Variants in CDH13 observed in about 807,000 individuals in gnomAD.
The protein encoded by CDH13 is cadherin 13, also known as cadherin-13.
A neutral mutation model predicts 63.8 loss-of-function variants in CDH13; 24 were observed. That is an observed-to-expected ratio of 0.38 (90% CI 0.27 to 0.53). The LOEUF (loss-of-function observed/expected upper bound fraction) is 0.53. Ranked by LOEUF, CDH13 falls within the 20% of genes least tolerant of loss-of-function variation. The pLI is 0.85. For synonymous variants in CDH13, 503 were observed against 355.3 expected, an observed-to-expected ratio of 1.42 and a Z score of -4.67; for missense variants, 1,049 against 903.1, an observed-to-expected ratio of 1.16 and a Z score of -2.07.
At chr16:83,242,346 C>T (rs894226622) in intron 5 of CDH13, among the ~76,000 whole-genome samples, 2 of 152,196 alleles carry the variant, frequency 1.3e-5, no homozygotes, top group African/African-American at 2.4e-5. Flanking sequence ...GACTGAGAGA[C>T]ACAGGTACTC....
chr16:82,827,106 C>G (rs919998303), intron 1 of CDH13, among the ~76,000 whole-genome samples: 1 of 152,198 alleles, frequency 6.6e-6, no homozygotes, highest in South Asian at 2.1e-4. Flanking sequence ...GCAACACAGC[C>G]TTAGCCTTGT....
At chr16:83,365,467 G>C (rs9923619) in intron 6 of CDH13, among the ~76,000 whole-genome samples, 87,803 of 152,096 alleles carry the variant, frequency 0.58, 27,312 homozygotes, top group African/African-American at 0.82. Flanking sequence ...TTACCCCATG[G>C]TCAGCTGAGT....
intron 1 of CDH13, among the ~76,000 whole-genome samples, chr16:82,668,096 C>T (rs1912817381): frequency 6.6e-6 from 1 of 152,184 alleles, no homozygotes; most frequent in African/African-American, 2.4e-5. Flanking sequence ...GATGGCTATA[C>T]CCTGCCAGGG....
chr16:82,663,495 AT>A lies in CDH13; in HGVS notation c.45+36362del, dbSNP rs1204134917. ...CCACCATGCCCAGCCACCGCCACTC[AT>A]TTTACACAGTCCCCTGTATGTCTCC... On this transcript the variant is annotated intron_variant, in intron 1 of 13. Coordinates refer to ENST00000567109, the MANE Select transcript of CDH13 (RefSeq NM_001257.5). Among the ~76,000 whole-genome samples, 5 of 151,660 alleles carry A rather than the reference AT, an allele frequency of 3.3e-5. No individual in the cohort carries two copies. In the East Asian group the frequency reaches 1.0e-3, roughly 31 times the overall value.
At chr16:83,131,100 G>A (rs574614781) in intron 4 of CDH13, among the ~76,000 whole-genome samples, 39 of 150,926 alleles carry the variant, frequency 2.6e-4, no homozygotes, top group African/African-American at 7.6e-4. Context: ...TCCGTAATAC[G>A]AGGGAATCAT....
intron 5 of CDH13, among the ~76,000 whole-genome samples, chr16:83,309,996 A>G (rs1417042124): frequency 1.3e-5 from 2 of 152,222 alleles, no homozygotes; most frequent in Non-Finnish European, 2.9e-5. Context: ...GAGTGGGTAC[A>G]AAAGTTCCGC....
intron 2 of CDH13, among the ~76,000 whole-genome samples, chr16:82,943,652 C>T (rs1159694000): frequency 6.6e-6 from 1 of 152,162 alleles, no homozygotes; most frequent in Non-Finnish European, 1.5e-5. Flanking sequence ...CAAATATTTA[C>T]TGAGCACTTA....
intron 2 of CDH13, chr16:82,859,825 C>T (rs1029558863): frequency 6.6e-6 from 1 of 152,010 alleles, no homozygotes. Flanking sequence ...TGAAGATGCA[C>T]TGTTGAGCAT....
intron 10 of CDH13, among the ~76,000 whole-genome samples, chr16:83,695,505 T>C (rs118001839): frequency 0.014 from 2,071 of 152,320 alleles, 16 homozygotes; most frequent in Non-Finnish European, 0.024. Flanking sequence ...CGAAAGCAGG[T>C]GCCCTTTCTG....
chr16:82,945,260 C>T (rs921969726), intron 2 of CDH13, among the ~76,000 whole-genome samples: 2 of 152,136 alleles, frequency 1.3e-5, no homozygotes, highest in Non-Finnish European at 2.9e-5. Context: ...CCCAAAGTGT[C>T]CACAGACAAT....
intron 1 of CDH13, among the ~76,000 whole-genome samples, chr16:82,655,662 A>G (rs1277901389): frequency 6.6e-6 from 1 of 152,200 alleles, no homozygotes; most frequent in Non-Finnish European, 1.5e-5. Context: ...GCAATTCAGA[A>G]GAAGCCTACA....
intron 6 of CDH13, among the ~76,000 whole-genome samples, chr16:83,369,975 T>C (rs2091333903): frequency 6.6e-6 from 1 of 152,260 alleles, no homozygotes; most frequent in South Asian, 2.1e-4. Context: ...TCTTGCTCTC[T>C]ACTTTGAAAA....
At chr16:83,291,935 A>C (rs2089475897) in intron 5 of CDH13, among the ~76,000 whole-genome samples, 1 of 152,218 alleles carries the variant, frequency 6.6e-6, no homozygotes, top group Non-Finnish European at 1.5e-5. Context: ...TTAACATACA[A>C]ATTTATCACA....
intron 10 of CDH13, among the ~76,000 whole-genome samples, chr16:83,687,829 G>A (rs748751479): frequency 3.7e-4 from 57 of 152,140 alleles, no homozygotes; most frequent in Non-Finnish European, 5.6e-4. Context: ...CCCTTCTTCC[G>A]AAGCCTTGAT....
Position 83,079,089 on chromosome 16 carries a change from C to T in CDH13, c.367-46296C>T, listed in dbSNP as rs533439680. 1.1e-4 allele frequency among the ~76,000 whole-genome samples: 17 copies of T among 152,252 alleles called. 1 individual carries two copies. In the South Asian group the frequency reaches 3.3e-3, roughly 30 times the overall value. ...GGATTACAGGTGTGAGCCATTGTGC[C>T]CGGCCCAGGTTTTTCATGCATTGAA... On this transcript the variant is annotated intron_variant, in intron 3 of 13. Coordinates refer to ENST00000567109, the MANE Select transcript of CDH13 (RefSeq NM_001257.5).
intron 3 of CDH13, among the ~76,000 whole-genome samples, chr16:83,039,631 T>C (rs1416867913): frequency 6.6e-6 from 1 of 152,186 alleles, no homozygotes; most frequent in Non-Finnish European, 1.5e-5. Flanking sequence ...CCTTCCTGTG[T>C]GTTCACCACT....
chr16:82,656,044 C>G (rs1911256464), intron 1 of CDH13, among the ~76,000 whole-genome samples: 2 of 152,126 alleles, frequency 1.3e-5, no homozygotes, highest in Admixed American at 6.5e-5. Flanking sequence ...GCAGAAAATG[C>G]TGGTCTAGCA....
intron 2 of CDH13, among the ~76,000 whole-genome samples, chr16:82,932,484 T>G (rs1370213233): frequency 6.6e-6 from 1 of 152,146 alleles, no homozygotes; most frequent in Non-Finnish European, 1.5e-5. Flanking sequence ...AACTTTTCCA[T>G]TAAAATAGAG....
At chr16:83,193,112 G>C (rs1237600903) in intron 4 of CDH13, among the ~76,000 whole-genome samples, 3 of 151,628 alleles carry the variant, frequency 2.0e-5, no homozygotes, top group African/African-American at 7.3e-5. Context: ...AGGCATTGCT[G>C]TGAATGACAG....
Sources: allele counts gnomAD v4.1 joint callset (sites outside exome capture counted in the v4.1 genomes callset), GRCh38; gene constraint gnomAD v4.1.1; transcripts MANE v1.5; gene names NCBI Gene and HGNC (gene_info 2026-07-23, HGNC 2026-07-21).